The following EHBP1 variants were observed in gnomAD, a reference collection of about 807,000 sequenced individuals.
The protein encoded by EHBP1 is EH domain-binding protein 1.
A neutral mutation model predicts 144.0 loss-of-function variants in EHBP1; 55 were observed. The ratio of observed to expected loss-of-function variants is 0.38; its 90% CI spans 0.31 to 0.48. The LOEUF is 0.48. Among genes scored for constraint, EHBP1 ranks in the 20% least tolerant of loss-of-function variants. EHBP1 has a pLI of 0.98. For synonymous variants in EHBP1, 469 were observed against 472.7 expected, an observed-to-expected ratio of 0.99 and a Z score of 0.10; for missense variants, 1,200 against 1,364.2, an observed-to-expected ratio of 0.88 and a Z score of 1.90.
chr2:62,681,909 TTAGA>T (rs1416542759), intron 1 of EHBP1, among the ~76,000 whole-genome samples: 4 of 152,188 alleles, frequency 2.6e-5, no homozygotes, highest in African/African-American at 9.7e-5. Context: ...GAGGAAATGA[TTAGA>T]TAGATACTCT....
At chr2:62,889,870 A>G (rs772978777) in intron 10 of EHBP1, among the ~76,000 whole-genome samples, 2 of 151,544 alleles carry the variant, frequency 1.3e-5, no homozygotes, top group Non-Finnish European at 2.9e-5. Flanking sequence ...TATAGTTTGA[A>G]GTTGGGTAGT....
chr2:63,014,993 T>G (rs1450453268), intron 19 of EHBP1, among the ~76,000 whole-genome samples: 1 of 151,850 alleles, frequency 6.6e-6, no homozygotes, highest in Non-Finnish European at 1.5e-5. Context: ...AAAAAAGATA[T>G]TTGAGCTTAG....
At chr2:62,734,334 C>A (rs2037902928) in intron 2 of EHBP1, among the ~76,000 whole-genome samples, 1 of 149,262 alleles carries the variant, frequency 6.7e-6, no homozygotes, top group Non-Finnish European at 1.5e-5. Context: ...TTAAAAAAAA[C>A]ATTTTAACAT....
At chr2:62,730,292 C>A (rs977936234) in intron 2 of EHBP1, among the ~76,000 whole-genome samples, 2 of 151,984 alleles carry the variant, frequency 1.3e-5, no homozygotes, top group Non-Finnish European at 2.9e-5. Flanking sequence ...CCTCTGAAAT[C>A]TCTCCCTCAC....
At chr2:62,957,356 T>G (rs1277257242) in intron 14 of EHBP1, among the ~76,000 whole-genome samples, 2 of 152,160 alleles carry the variant, frequency 1.3e-5, no homozygotes, top group African/African-American at 2.4e-5. Flanking sequence ...ATTACTTTAT[T>G]AATGTGCTAA....
At chr2:62,891,702 C>A (rs1161051608) in intron 10 of EHBP1, among the ~76,000 whole-genome samples, 1 of 152,032 alleles carries the variant, frequency 6.6e-6, no homozygotes, top group Non-Finnish European at 1.5e-5. Context: ...GCTCCATTAG[C>A]GCTATTATCA....
chr2:63,016,566 G>T lies in EHBP1; in HGVS notation c.3103+19800G>T, dbSNP rs1034847803. Among the ~76,000 whole-genome samples the T allele has an allele frequency of 2.0e-5, 3 of 151,982 alleles. No individual in the cohort carries two copies. In the East Asian group the frequency reaches 5.8e-4, roughly 29 times the overall value. On this transcript the variant is annotated intron_variant, in intron 19 of 22. Coordinates refer to ENST00000431489, the MANE Select transcript of EHBP1 (RefSeq NM_001142616.3). ...CCACCTCAGCCCCCCGAGTACCTGGGATTACAGGTACCCACCACCACGCCC... is the reference window on the plus strand; with the variant it reads ...CCACCTCAGCCCCCCGAGTACCTGGTATTACAGGTACCCACCACCACGCCC...
chr2:62,769,372 T>G (rs6740951), intron 4 of EHBP1, among the ~76,000 whole-genome samples: 152,185 of 152,218 alleles, frequency 1, 76,076 homozygotes, highest in Non-Finnish European at 1. Flanking sequence ...CAAAAGCCAA[T>G]CCGAGAGCCA....
chr2:62,826,276 T>G lies in EHBP1; in HGVS notation c.494+8T>G, dbSNP rs750620709. The G allele has an allele frequency of 6.3e-7, 1 of 1,591,672 alleles. No homozygotes were observed. The highest frequency in any genetic ancestry group is 2.2e-5 in the East Asian group (1 of 44,464). Reference sequence around the variant, plus strand: ...GAGGGAAGGAAAAGCCACGTAAGTTTCTTTTGTCAAATAAGCTTCCTTACA... The same window carrying G: ...GAGGGAAGGAAAAGCCACGTAAGTTGCTTTTGTCAAATAAGCTTCCTTACA... On this transcript the variant is annotated splice_region_variant and intron_variant, in intron 6 of 22. Transcript: ENST00000431489.
At chr2:62,691,314 G>T (rs1275686764) in intron 1 of EHBP1, among the ~76,000 whole-genome samples, 1 of 152,140 alleles carries the variant, frequency 6.6e-6, no homozygotes, top group Non-Finnish European at 1.5e-5. Flanking sequence ...TTGATACTTT[G>T]CCATCCCTTA....
Position 63,037,621 on chromosome 2 carries a change from C to T in EHBP1, c.3190C>T (p.Gln1064Ter), listed in dbSNP as rs1574576493. ...AAATGCCTTAATAAGGAGAATGAAT[C>T]AGCTCTCTCTTCTGTAAGTACTCAT... ...KKNALIRRMN[Q>*]LSLLEKEHDL... Residue 1064 changes from glutamine (Q) to a stop codon, truncating the protein, a stop_gained, in exon 20 of 23, where the codon CAG (glutamine) becomes TAG (stop). Transcript: ENST00000431489. LOFTEE classifies it high-confidence loss of function. 1.3e-6 allele frequency: 2 copies of T among 1,590,656 alleles called. No individual in the cohort carries two copies. The highest frequency in any genetic ancestry group is 1.7e-6 in the Non-Finnish European group (2 of 1,163,126).
At chr2:62,845,342 T>G (rs941231703) in intron 7 of EHBP1, among the ~76,000 whole-genome samples, 1 of 152,190 alleles carries the variant, frequency 6.6e-6, no homozygotes, top group East Asian at 1.9e-4. Context: ...GTTAATCCTT[T>G]TCCCATAGTT....
chr2:62,957,888 C>T (rs1234556917), intron 14 of EHBP1, among the ~76,000 whole-genome samples: 5 of 151,862 alleles, frequency 3.3e-5, no homozygotes, highest in Non-Finnish European at 7.4e-5. Context: ...CCTCGTGATC[C>T]GCCCGCCTCG....
chr2:62,733,484 T>C (rs1285260083), intron 2 of EHBP1, among the ~76,000 whole-genome samples: 2 of 152,210 alleles, frequency 1.3e-5, no homozygotes, highest in Admixed American at 1.3e-4. Context: ...TATAGTCCTA[T>C]AATCAGGCTT....
chr2:62,939,788 G>A (rs76644198), intron 10 of EHBP1: 1,773 of 159,890 alleles, frequency 0.011, 12 homozygotes, highest in Non-Finnish European at 0.017. Context: ...ACATGTCTGC[G>A]ATATCCAAGG....
intron 12 of EHBP1, 80 bp downstream of exon 12, chr2:62,943,930 G>C (rs970803466): frequency 9.1e-7 from 1 of 1,103,878 alleles, no homozygotes. Context: ...GAGAAAGTGA[G>C]GCAGTTTTAT....
intron 19 of EHBP1, among the ~76,000 whole-genome samples, chr2:63,022,439 C>T (rs1364940866): frequency 2.0e-5 from 3 of 152,000 alleles, no homozygotes; most frequent in African/African-American, 4.8e-5. Flanking sequence ...CTCAGCCTCC[C>T]GAGTAGCTGG....
At chr2:62,880,815 A>C (rs2051340334) in intron 10 of EHBP1, among the ~76,000 whole-genome samples, 1 of 152,190 alleles carries the variant, frequency 6.6e-6, no homozygotes, top group African/African-American at 2.4e-5. Context: ...GGAATGTAAA[A>C]TAGTTCAGCC....
At chr2:62,952,569 A>G (rs761981225) in intron 13 of EHBP1, among the ~76,000 whole-genome samples, 3 of 152,210 alleles carry the variant, frequency 2.0e-5, no homozygotes, top group Non-Finnish European at 4.4e-5. Flanking sequence ...GGTGCCTAAT[A>G]CATGTGATGA....
Sources: allele counts gnomAD v4.1 joint callset (sites outside exome capture counted in the v4.1 genomes callset), GRCh38; gene constraint gnomAD v4.1.1; transcripts MANE v1.5; gene names NCBI Gene and HGNC (gene_info 2026-07-23, HGNC 2026-07-21).